The following STK4 variants were observed in gnomAD, a reference collection of about 807,000 sequenced individuals.
STK4 encodes the protein serine/threonine kinase 4.
A neutral mutation model predicts 64.9 loss-of-function variants in STK4; 30 were observed. The ratio of observed to expected loss-of-function variants is 0.46; its 90% CI spans 0.35 to 0.63. The LOEUF (loss-of-function observed/expected upper bound fraction) is 0.63, where lower values mean the gene tolerates loss of function less well. Among genes scored for constraint, STK4 ranks in the 20% least tolerant of loss-of-function variants. STK4 has a pLI of 0.01. For synonymous variants in STK4, 177 were observed against 199.0 expected, an observed-to-expected ratio of 0.89 and a Z score of 0.93; for missense variants, 466 against 598.5, an observed-to-expected ratio of 0.78 and a Z score of 2.31.
chr20:45,007,870 C>A, intron 9 of STK4: 1 of 329,344 alleles, frequency 3.0e-6, no homozygotes, highest in South Asian at 2.5e-5. Flanking sequence ...GCTAGTTTTT[C>A]GACCCATGGT....
chr20:45,007,077 G>T (rs544627552), intron 9 of STK4, among the ~76,000 whole-genome samples: 1 of 152,092 alleles, frequency 6.6e-6, no homozygotes, highest in South Asian at 2.1e-4. Flanking sequence ...TTTAAGTCTT[G>T]AGTTTCTGTT....
At chr20:45,011,723 ATATATATTTTTT>A (rs974767268) in intron 9 of STK4, among the ~76,000 whole-genome samples, 10 of 106,200 alleles carry the variant, frequency 9.4e-5, no homozygotes, top group Non-Finnish European at 1.2e-4. Flanking sequence ...ATATATATAT[ATATATATTTTTT>A]TTTTTTTTTT....
intron 10 of STK4, among the ~76,000 whole-genome samples, chr20:45,033,862 G>A (rs2068485649): frequency 6.6e-6 from 1 of 152,108 alleles, no homozygotes; most frequent in African/African-American, 2.4e-5. Context: ...TTACAGGTGT[G>A]AGCCACCATG....
chr20:45,025,148 T>A lies in STK4; in HGVS notation c.1305+18T>A. On this transcript the variant is annotated intron_variant, in intron 10 of 10. Coordinates refer to ENST00000372806, the MANE Select transcript of STK4 (RefSeq NM_006282.5). ...ACGAGTTTGTAAGTAGTGTTGGAAG[T>A]AAATGGTTATGTCTTCAGGGGAAGT... The A allele has an allele frequency of 6.3e-7, 1 of 1,597,360 alleles. No individual in the cohort carries two copies. Among genetic ancestry groups the A allele is most frequent in the Non-Finnish European group, 8.5e-7 (1 of 1,172,456 alleles).
chr20:44,989,010 A>C (rs1359426667), intron 5 of STK4, among the ~76,000 whole-genome samples: 3 of 152,052 alleles, frequency 2.0e-5, no homozygotes, highest in Admixed American at 6.6e-5. Flanking sequence ...TGGCTGTAAC[A>C]CATTTTGTTT....
chr20:45,022,460 G>A (rs1333857749), intron 9 of STK4, among the ~76,000 whole-genome samples: 1 of 152,052 alleles, frequency 6.6e-6, no homozygotes, highest in Non-Finnish European at 1.5e-5. Flanking sequence ...TTTTTAAGTG[G>A]GTTGGTAAGA....
intron 9 of STK4, among the ~76,000 whole-genome samples, chr20:45,018,224 G>T (rs2068179076): frequency 6.6e-6 from 1 of 152,112 alleles, no homozygotes; most frequent in South Asian, 2.1e-4. Flanking sequence ...TGTTGTTGTT[G>T]TTGTTTTTCC....
intron 9 of STK4, among the ~76,000 whole-genome samples, chr20:45,003,466 G>A (rs1169865709): frequency 6.6e-6 from 1 of 152,042 alleles, no homozygotes; most frequent in Non-Finnish European, 1.5e-5. Flanking sequence ...TCCTCTAATA[G>A]TCAACACATT....
At chr20:45,050,223 T>G (rs1249271151) in intron 10 of STK4, among the ~76,000 whole-genome samples, 1 of 152,182 alleles carries the variant, frequency 6.6e-6, no homozygotes, top group Non-Finnish European at 1.5e-5. Flanking sequence ...CTGTGGCACA[T>G]GTAATTTTTA....
At chr20:45,004,340 C>T (rs548769833) in intron 9 of STK4, 2 of 152,254 alleles carry the variant, frequency 1.3e-5, no homozygotes, top group East Asian at 3.9e-4. Context: ...AAGTGATTCC[C>T]CCATCTTGGC....
chr20:45,053,274 A>G (rs1978300158), intron 10 of STK4: 2 of 1,044,822 alleles, frequency 1.9e-6, no homozygotes, highest in Admixed American at 2.2e-5. Flanking sequence ...TAACTCAGTT[A>G]TTGAAATGGC....
chr20:45,045,353 G>A (rs918307551), intron 10 of STK4, among the ~76,000 whole-genome samples: 1 of 152,130 alleles, frequency 6.6e-6, no homozygotes, highest in Non-Finnish European at 1.5e-5. Context: ...TTTCCTACTT[G>A]GTGCCAGAAT....
chr20:44,972,648 C>G (rs987691885), intron 2 of STK4: 2 of 152,414 alleles, frequency 1.3e-5, no homozygotes, highest in Admixed American at 1.3e-4. Flanking sequence ...TTTGTTAATG[C>G]GTTTATAAAA....
intron 7 of STK4, 25 bp downstream of exon 7, chr20:44,997,331 C>T: frequency 3.2e-6 from 5 of 1,561,028 alleles, no homozygotes; most frequent in Non-Finnish European, 3.5e-6. Context: ...GTGATGCCAT[C>T]TCGCTCCATT....
intron 6 of STK4, among the ~76,000 whole-genome samples, 161 bp downstream of exon 6, chr20:44,995,418 C>T (rs2145684105): frequency 6.6e-6 from 1 of 152,022 alleles, no homozygotes; most frequent in East Asian, 1.9e-4. Flanking sequence ...CCAACCTGGC[C>T]AACATGGTGA....
intron 9 of STK4, among the ~76,000 whole-genome samples, chr20:45,018,151 C>T (rs189702735): frequency 1.4e-4 from 21 of 152,258 alleles, no homozygotes; most frequent in African/African-American, 4.8e-4. Context: ...AAGAATTGCA[C>T]ATTAAGGCAT....
At chr20:45,003,034 A>AG (rs1475380154) in intron 9 of STK4, among the ~76,000 whole-genome samples, 3 of 152,132 alleles carry the variant, frequency 2.0e-5, no homozygotes, top group Non-Finnish European at 4.4e-5. Context: ...TTTAACAGAT[A>AG]GGGTCTTGTT....
chr20:45,014,011 T>C (rs1012577703), intron 9 of STK4, among the ~76,000 whole-genome samples: 7 of 152,214 alleles, frequency 4.6e-5, no homozygotes, highest in Admixed American at 2.0e-4. Context: ...TTCTTTTATC[T>C]TAATATGCAG....
chr20:45,055,056 T>A (rs1422764779), intron 10 of STK4, among the ~76,000 whole-genome samples: 2 of 151,964 alleles, frequency 1.3e-5, no homozygotes, highest in Admixed American at 6.6e-5. Context: ...TGTACACAAT[T>A]TCTCTGGCCC....
Sources: allele counts gnomAD v4.1 joint callset (sites outside exome capture counted in the v4.1 genomes callset), GRCh38; gene constraint gnomAD v4.1.1; transcripts MANE v1.5; gene names NCBI Gene and HGNC (gene_info 2026-07-23, HGNC 2026-07-21).